The following KIAA0930 variants were observed in gnomAD, a reference collection of about 807,000 sequenced individuals.
The protein encoded by KIAA0930 is KIAA0930, also known as uncharacterized protein KIAA0930.
KIAA0930 carries 24 observed loss-of-function variants against 43.9 expected under a neutral mutation model. The ratio of observed to expected loss-of-function variants is 0.55; its 90% CI spans 0.40 to 0.77. The LOEUF (loss-of-function observed/expected upper bound fraction) is 0.77. KIAA0930 is among the 30% of genes least tolerant of loss of function. The pLI is 0.00. For missense variants in KIAA0930, 461 were observed against 574.2 expected, an observed-to-expected ratio of 0.80 and a Z score of 2.02; for synonymous variants, 259 against 216.4, an observed-to-expected ratio of 1.20 and a Z score of -1.73.
chr22:45,216,607 C>T (rs2083734150), intron 1 of KIAA0930, among the ~76,000 whole-genome samples: 1 of 152,162 alleles, frequency 6.6e-6, no homozygotes. Context: ...CACAAGCAAA[C>T]CCCTTCTCCC....
intron 1 of KIAA0930, among the ~76,000 whole-genome samples, chr22:45,237,548 G>C (rs886500388): frequency 9.2e-5 from 14 of 152,220 alleles, no homozygotes; most frequent in African/African-American, 3.4e-4. Context: ...CTCAGAGAAT[G>C]ACAACCACTC....
intron 1 of KIAA0930, among the ~76,000 whole-genome samples, chr22:45,228,700 C>A (rs541650100): frequency 1.0e-4 from 15 of 146,076 alleles, no homozygotes; most frequent in African/African-American, 1.8e-4. Context: ...CTCCACCCCC[C>A]CAACCACCAA....
rs900207287 is a variant in KIAA0930, at chr22:45,196,642, C to A, written c.*534G>T. On this transcript the variant is annotated 3_prime_UTR_variant, in exon 10 of 10. Transcript: ENST00000336156. This position sits in a 1 kb window ranked among gnomAD's most constrained non-coding sequence, Gnocchi z 4.1. The stretch of plus-strand genomic sequence containing the variant: ...AAAGCCATCAAACTTCTCGTGTTCC[C>A]ATCTCCTATTAGAACAAAGTGGTAA... 6.5e-6 allele frequency: 1 copy of A among 153,118 alleles called. No homozygotes were observed. Among genetic ancestry groups the A allele is most frequent in the Non-Finnish European group, 1.5e-5 (1 of 68,390 alleles). The allele number at this position is 153,118 out of a possible 1,614,324, so 9.5% of individuals were successfully genotyped here.
intron 2 of KIAA0930, among the ~76,000 whole-genome samples, chr22:45,206,293 A>G (rs746858083): frequency 3.8e-4 from 58 of 152,212 alleles, no homozygotes; most frequent in Admixed American, 3.3e-4. Flanking sequence ...CTGGGATTAC[A>G]GGTGTGAGCC....
At position 45,196,950 on chromosome 22, in the gene KIAA0930, C is replaced by CG. The variant is rs973344568; in HGVS notation, c.*225dup. 2.1e-5 allele frequency: 10 copies of CG among 487,722 alleles called. No homozygotes were observed. Among genetic ancestry groups the CG allele is most frequent in the African/African-American group, 1.3e-4 (6 of 46,748 alleles). 30.2% of individuals were successfully genotyped at this position (487,722 alleles called of 1,614,324 possible). A position where few individuals can be genotyped will look rare whatever the true frequency, so the allele number is the denominator to read the frequency against. ...CCAGAGATGGGTGGGGGGCGATGGG[C>CG]GGGGGGCACAGGGCGGAGCAGCGCC... On this transcript the variant is annotated 3_prime_UTR_variant, in exon 10 of 10. Coordinates refer to ENST00000336156, the MANE Select transcript of KIAA0930 (RefSeq NM_001009880.2). The surrounding 1 kb of genome is among the most constrained non-coding windows in gnomAD (Gnocchi z 4.1).
In KIAA0930 at chr22:45,215,096, T is replaced by C. The variant is rs898380713; in HGVS notation, c.65-2989A>G. Among the ~76,000 whole-genome samples, 83 of 152,116 alleles carry C rather than the reference T, an allele frequency of 5.5e-4. 1 individual carries two copies. Among genetic ancestry groups the C allele is most frequent in the African/African-American group, 1.9e-3 (79 of 41,490 alleles). Reference sequence around the variant, plus strand: ...AGGTGGGTGTGGTGGTGCTCACCTGTAGTCCCAGCTACTCGGGAGGCTGAG... The same window carrying C: ...AGGTGGGTGTGGTGGTGCTCACCTGCAGTCCCAGCTACTCGGGAGGCTGAG... On this transcript the variant is annotated intron_variant, in intron 1 of 9. Transcript: ENST00000336156.
At chr22:45,231,456 C>G (rs2083853055) in intron 1 of KIAA0930, among the ~76,000 whole-genome samples, 1 of 152,042 alleles carries the variant, frequency 6.6e-6, no homozygotes, top group Non-Finnish European at 1.5e-5. Context: ...GGGCTTGTCC[C>G]AGCGATGTGT....
chr22:45,233,125 G>A (rs539547443), intron 1 of KIAA0930, among the ~76,000 whole-genome samples: 1 of 152,070 alleles, frequency 6.6e-6, no homozygotes, highest in Non-Finnish European at 1.5e-5. Context: ...TGGGGGCAGG[G>A]GTGGTAAACA....
intron 1 of KIAA0930, among the ~76,000 whole-genome samples, chr22:45,225,486 G>A (rs1414218753): frequency 6.6e-6 from 1 of 152,176 alleles, no homozygotes; most frequent in Non-Finnish European, 1.5e-5. Context: ...AGGCTCTCCA[G>A]GCAGCCCCCG....
chr22:45,240,300 C>T (rs1214032210), intron 1 of KIAA0930, among the ~76,000 whole-genome samples: 2 of 152,228 alleles, frequency 1.3e-5, no homozygotes, highest in African/African-American at 4.8e-5. Context: ...GCTGAGGGCC[C>T]GGGGCGGGCT....
At chr22:45,214,124 C>G (rs916886267) in intron 1 of KIAA0930, among the ~76,000 whole-genome samples, 6 of 152,168 alleles carry the variant, frequency 3.9e-5, no homozygotes. Flanking sequence ...TTGCAGTGAA[C>G]CAAGATCGTG....
At chr22:45,201,076 C>T (rs1569071858) in intron 7 of KIAA0930, 6 of 478,958 alleles carry the variant, frequency 1.3e-5, no homozygotes, top group Admixed American at 2.2e-5. Context: ...TCGGGAGCCC[C>T]GTCAGCCTCC....
chr22:45,228,999 CCCCCACACCACCAAACACTCACCCGAAAG>C, intron 1 of KIAA0930, among the ~76,000 whole-genome samples: 1 of 35,366 alleles, frequency 2.8e-5, no homozygotes. Context: ...TCCCTCTCCA[CCCCCACACCACCAAACACTCACCCGAAAG>C]ATCCCTCTCC....
In KIAA0930 at chr22:45,228,861, AAC is replaced by A. The variant is rs2083824754; in HGVS notation, c.64+11777_64+11778del. Reference sequence around the variant, plus strand: ...CCCGAAAGATCCCTCTTCACCCCCCAACCACCACTCACCCGAAAGATCCCTCC... The same window carrying A: ...CCCGAAAGATCCCTCTTCACCCCCCACACCACTCACCCGAAAGATCCCTCC... On this transcript the variant is annotated intron_variant, in intron 1 of 9. Coordinates refer to ENST00000336156, the MANE Select transcript of KIAA0930 (RefSeq NM_001009880.2). 1.4e-4 allele frequency among the ~76,000 whole-genome samples: 3 copies of A among 21,482 alleles called. 1 individual carries two copies. The highest frequency in any genetic ancestry group is 8.3e-5 in the Non-Finnish European group (1 of 12,088). 14.1% of individuals were successfully genotyped at this position (21,482 alleles called of 152,430 possible).
At chr22:45,230,862 G>A (rs1035674149) in intron 1 of KIAA0930, among the ~76,000 whole-genome samples, 1 of 151,982 alleles carries the variant, frequency 6.6e-6, no homozygotes, top group Non-Finnish European at 1.5e-5. Flanking sequence ...TTACAGGCGT[G>A]AGCCACGTCG....
intron 1 of KIAA0930, chr22:45,226,409 T>C (rs1183611049): frequency 2.2e-6 from 1 of 450,678 alleles, no homozygotes; most frequent in Non-Finnish European, 4.7e-6. Context: ...GAACAAACCC[T>C]GACCTCAAGG....
chr22:45,199,382 C>A (rs1290159090), intron 8 of KIAA0930, among the ~76,000 whole-genome samples: 1 of 152,150 alleles, frequency 6.6e-6, no homozygotes, highest in African/African-American at 2.4e-5. Context: ...GGGTAGGCTG[C>A]ACGAGGTGGC....
chr22:45,211,763 G>C (rs2083695691), intron 2 of KIAA0930, among the ~76,000 whole-genome samples, 193 bp downstream of exon 2: 1 of 152,180 alleles, frequency 6.6e-6, no homozygotes, highest in South Asian at 2.1e-4. Flanking sequence ...AATGTGTACA[G>C]ACACCCAGCA....
chr22:45,237,919 G>A (rs1327043403), intron 1 of KIAA0930, among the ~76,000 whole-genome samples: 1 of 140,072 alleles, frequency 7.1e-6, no homozygotes, highest in Non-Finnish European at 1.5e-5. Context: ...TCTGAAAAAT[G>A]AGCCCTTTTT....
Sources: allele counts gnomAD v4.1 joint callset (sites outside exome capture counted in the v4.1 genomes callset), GRCh38; gene constraint gnomAD v4.1.1; non-coding constraint Gnocchi (gnomAD v3.1); transcripts MANE v1.5; gene names NCBI Gene and HGNC (gene_info 2026-07-23, HGNC 2026-07-21).